The following THEMIS variants were observed in gnomAD, a reference collection of about 807,000 sequenced individuals.
The protein encoded by THEMIS is protein THEMIS.
A neutral mutation model predicts 52.6 loss-of-function variants in THEMIS; 37 were observed. The ratio of observed to expected loss-of-function variants is 0.70; its 90% CI spans 0.54 to 0.93. The LOEUF (loss-of-function observed/expected upper bound fraction) is 0.93. Among genes scored for constraint, THEMIS ranks in the 40% least tolerant of loss-of-function variants. The pLI is 0.00. For missense variants in THEMIS, 808 were observed against 763.1 expected (o/e 1.06, Z -0.69); for synonymous variants, 292 against 272.7 (o/e 1.07, Z -0.70).
upstream of THEMIS, chr6:127,901,174 T>C: frequency 1.8e-6 from 1 of 551,522 alleles, no homozygotes. Flanking sequence ...CATTTCCTTC[T>C]GACATTGAAG....
At chr6:127,849,547 C>T (rs1442025337) in intron 2 of THEMIS, among the ~76,000 whole-genome samples, 1 of 151,822 alleles carries the variant, frequency 6.6e-6, no homozygotes, top group Non-Finnish European at 1.5e-5. Context: ...AAAATATGCA[C>T]ATAGACCAAT....
At chr6:127,702,190 T>C in the THEMIS span, among the ~76,000 whole-genome samples, 1 of 152,174 alleles carries the variant, frequency 6.6e-6, no homozygotes, top group East Asian at 1.9e-4. Context: ...TGGAGAGCTT[T>C]TTCCCTTGTC....
intron 1 of THEMIS, among the ~76,000 whole-genome samples, chr6:127,913,159 A>G (rs1033073984): frequency 2.0e-5 from 3 of 152,204 alleles, no homozygotes; most frequent in Non-Finnish European, 4.4e-5. Context: ...ATGCCTGGAC[A>G]TAGAGCAGAG....
chr6:127,807,144 C>A (rs1777740651), intron 4 of THEMIS: 1 of 163,962 alleles, frequency 6.1e-6, no homozygotes, highest in African/African-American at 2.4e-5. Flanking sequence ...GGGTGGATCA[C>A]AAGGTCAGGA....
chr6:127,710,728 A>T (rs1773946921), intron 5 of THEMIS, among the ~76,000 whole-genome samples: 1 of 151,990 alleles, frequency 6.6e-6, no homozygotes, highest in South Asian at 2.1e-4. Flanking sequence ...CTATGGCTTT[A>T]TGGAGCGCGA....
intron 3 of THEMIS, among the ~76,000 whole-genome samples, chr6:127,824,158 C>T (rs1778428355): frequency 6.6e-6 from 1 of 152,150 alleles, no homozygotes; most frequent in South Asian, 2.1e-4. Flanking sequence ...TAGGTGACCA[C>T]TTCTTCCACC....
chr6:127,709,996 G>T lies in THEMIS; in HGVS notation c.1915C>A (p.His639Asn). The T allele has an allele frequency of 6.3e-7, 1 of 1,585,674 alleles. No homozygotes were observed. The highest frequency in any genetic ancestry group is 8.6e-7 in the Non-Finnish European group (1 of 1,167,140). ...AIAETFKNEK[H>N]QK is the part of the protein sequence containing the mutation. ...TCTGTCACATCTTGTTATTTTTGAT[G>T]TTTTTCATTTTTGAATGTTTCTATA... Residue 639 changes from histidine (H) to asparagine (N), a missense_variant, in exon 6 of 6, where the codon CAT becomes AAT. Coordinates refer to ENST00000368248, the MANE Select transcript of THEMIS (RefSeq NM_001010923.3).
At chr6:127,770,772 A>C (rs1374153404) in intron 4 of THEMIS, among the ~76,000 whole-genome samples, 1 of 152,126 alleles carries the variant, frequency 6.6e-6, no homozygotes, top group Non-Finnish European at 1.5e-5. Context: ...TTAAGTCTTT[A>C]ATCCATCTTG....
In THEMIS at chr6:127,900,852, G is replaced by A. The variant is rs756491713; in HGVS notation, c.81C>T (p.Ile27=). 5 of 1,612,898 alleles carry A rather than the reference G, an allele frequency of 3.1e-6. No individual in the cohort carries two copies. In the South Asian group the frequency reaches 5.5e-5, roughly 18 times the overall value. The change falls in exon 1 of 6, where the codon ATC becomes ATT. Residue 27 remains isoleucine, a synonymous_variant. Coordinates refer to ENST00000368248, the MANE Select transcript of THEMIS (RefSeq NM_001010923.3). ...TTGGAGAGTGCTTACCTTCAAGATA[G>A]ATGCCTGCCTGGATTTCTAGAACCC... is the stretch of plus-strand genomic sequence containing the variant. ...LPRVLEIQAG[I]YLEGSIYEMF... is the part of the protein sequence containing the mutation.
intron 5 of THEMIS, among the ~76,000 whole-genome samples, chr6:127,711,475 T>C (rs1773980246): frequency 6.6e-6 from 1 of 151,976 alleles, no homozygotes; most frequent in Admixed American, 6.6e-5. Context: ...AACATTTCCA[T>C]CAGTGTTAAC....
chr6:127,800,162 G>A (rs1056696418), intron 4 of THEMIS, among the ~76,000 whole-genome samples: 5 of 152,118 alleles, frequency 3.3e-5, no homozygotes, highest in Non-Finnish European at 7.4e-5. Context: ...CACTAGTTTT[G>A]TATGAGGACT....
At chr6:127,892,093 C>T (rs1016442290) in intron 1 of THEMIS, among the ~76,000 whole-genome samples, 12 of 152,126 alleles carry the variant, frequency 7.9e-5, no homozygotes, top group African/African-American at 2.9e-4. Flanking sequence ...GTTTCCCAGC[C>T]CCACTCTGTA....
At position 127,895,889 on chromosome 6, in the gene THEMIS, C is replaced by G. The variant is rs141575943; in HGVS notation, c.91+4953G>C. ...AAGTTCAACTAACTTGATAATAAAG[C>G]CTGGCTAGGATATTACAAAAAAATA... On this transcript the variant is annotated intron_variant, in intron 1 of 5. Coordinates refer to ENST00000368248, the MANE Select transcript of THEMIS (RefSeq NM_001010923.3). Among the ~76,000 whole-genome samples, 344 of 151,082 alleles carry G rather than the reference C, an allele frequency of 2.3e-3. 1 individual carries two copies. The highest frequency in any genetic ancestry group is 7.8e-3 in the African/African-American group (324 of 41,408).
intron 1 of THEMIS, among the ~76,000 whole-genome samples, chr6:127,891,931 G>T (rs1231310876): frequency 6.6e-6 from 1 of 152,098 alleles, no homozygotes; most frequent in Non-Finnish European, 1.5e-5. Context: ...GCTCCTTTTG[G>T]TCCCCAGATG....
chr6:127,768,204 A>G (rs1003698809), intron 4 of THEMIS, among the ~76,000 whole-genome samples: 2 of 152,248 alleles, frequency 1.3e-5, no homozygotes, highest in Non-Finnish European at 2.9e-5. Context: ...GAACAACATG[A>G]TACTTCTTTA....
chr6:127,808,643 A>G, intron 4 of THEMIS, among the ~76,000 whole-genome samples: 1 of 152,306 alleles, frequency 6.6e-6, no homozygotes, highest in Middle Eastern at 3.4e-3. Context: ...CAACTATAAT[A>G]TTATTTCACA....
intron 2 of THEMIS, among the ~76,000 whole-genome samples, chr6:127,832,069 G>A (rs550102667): frequency 7.2e-5 from 11 of 152,128 alleles, no homozygotes; most frequent in Non-Finnish European, 1.3e-4. Context: ...TCTCATAAAA[G>A]GTAGAGACAC....
chr6:127,783,741 T>C (rs1169099167), intron 4 of THEMIS, among the ~76,000 whole-genome samples: 1 of 152,198 alleles, frequency 6.6e-6, no homozygotes, highest in African/African-American at 2.4e-5. Flanking sequence ...AAACAACAGA[T>C]GCTGGAGAGG....
intron 4 of THEMIS, among the ~76,000 whole-genome samples, chr6:127,791,502 G>C (rs1432194686): frequency 6.6e-6 from 1 of 152,198 alleles, no homozygotes; most frequent in Non-Finnish European, 1.5e-5. Context: ...CGGCCCGTGA[G>C]CAGTCATGGG....
Sources: gnomAD v4.1 joint callset for allele counts (sites outside exome capture counted in the v4.1 genomes callset) on GRCh38, gnomAD v4.1.1 for gene constraint, MANE v1.5 for transcripts, NCBI Gene and HGNC (gene_info 2026-07-23, HGNC 2026-07-21) for gene names.